CTNND2: variants seen among roughly 807,000 people sequenced by gnomAD.
CTNND2 encodes catenin delta 2.
A neutral mutation model predicts 144.4 loss-of-function variants in CTNND2; 22 were observed. The ratio of observed to expected loss-of-function variants is 0.15; its 90% CI spans 0.11 to 0.22. CTNND2 has a LOEUF of 0.22. Ranked by LOEUF, CTNND2 falls within the 10% of genes least tolerant of loss-of-function variation. The pLI, the probability that CTNND2 is intolerant of heterozygous loss-of-function variation, is 1.00. For synonymous variants in CTNND2, 751 were observed against 695.6 expected (o/e 1.08, Z -1.25); for missense variants, 1,353 against 1,618.8 (o/e 0.84, Z 2.82).
intron 12 of CTNND2, among the ~76,000 whole-genome samples, chr5:11,119,130 A>G (rs1753835719): frequency 6.6e-6 from 1 of 152,192 alleles, no homozygotes; most frequent in Admixed American, 6.5e-5. Context: ...GAGCTGGAAC[A>G]AAACCTGTGA....
At chr5:11,615,479 A>C (rs1296233000) in intron 2 of CTNND2, among the ~76,000 whole-genome samples, 2 of 152,236 alleles carry the variant, frequency 1.3e-5, no homozygotes, top group Non-Finnish European at 2.9e-5. Context: ...ATACATTTTT[A>C]AGTACTGAAA....
intron 10 of CTNND2, among the ~76,000 whole-genome samples, chr5:11,236,033 G>A (rs944093046): frequency 6.6e-6 from 1 of 152,048 alleles, no homozygotes; most frequent in African/African-American, 2.4e-5. Flanking sequence ...ACTTAGATTT[G>A]GCTGCAGTGA....
intron 6 of CTNND2, among the ~76,000 whole-genome samples, chr5:11,386,517 A>G (rs936336985): frequency 3.5e-4 from 54 of 152,332 alleles, no homozygotes; most frequent in African/African-American, 1.2e-3. Context: ...GCAGATCTGA[A>G]GGAGTTAATT....
intron 3 of CTNND2, chr5:11,508,354 G>T (rs1771280824): frequency 6.6e-6 from 1 of 152,156 alleles, no homozygotes; most frequent in Middle Eastern, 3.2e-3. Context: ...ATGATGCTCT[G>T]CTAAGCAAAC....
At chr5:11,280,635 G>A (rs780320192) in intron 9 of CTNND2, among the ~76,000 whole-genome samples, 1 of 152,186 alleles carries the variant, frequency 6.6e-6, no homozygotes, top group Non-Finnish European at 1.5e-5. Context: ...ATAGAGGGGA[G>A]TTAGGGCTTC....
chr5:11,177,137 T>C (rs898496202), intron 11 of CTNND2, among the ~76,000 whole-genome samples: 11 of 152,216 alleles, frequency 7.2e-5, no homozygotes, highest in African/African-American at 2.4e-4. Flanking sequence ...CCTGCAAAGA[T>C]GCATGAGTAT....
chr5:11,385,211 C>G lies in CTNND2; in HGVS notation c.631G>C (p.Gly211Arg). The G allele has an allele frequency of 9.5e-7, 1 of 1,054,974 alleles. No homozygotes were observed. The allele number at this position is 1,054,974 out of a possible 1,614,324, so 65.4% of individuals were successfully genotyped here. A position where few individuals can be genotyped will look rare whatever the true frequency, so the allele number is the denominator to read the frequency against. ...SFSQGTTSRA[G>R]HLAGPEPAPP... ...GCGGGCTCGGGCCCCGCCAGGTGGC[C>G]GGCGCGGCTGGTCGTGCCCTGTGCC... Residue 211 changes from glycine (G) to arginine (R), a missense_variant, in exon 7 of 22, where the codon GGC (glycine) becomes CGC (arginine). Gly to Arg is a moderately radical substitution (Grantham distance 125). Around this residue, in one of 4 missense-constraint regions of CTNND2, gnomAD observed 708 missense variants for 706.4 expected, o/e 1.00. Coordinates refer to ENST00000304623, the MANE Select transcript of CTNND2 (RefSeq NM_001332.4).
intron 14 of CTNND2, among the ~76,000 whole-genome samples, chr5:11,110,570 TAACACAGCGCCTGCTCAGAGG>T (rs1180623332): frequency 2.0e-5 from 3 of 152,160 alleles, no homozygotes; most frequent in African/African-American, 4.8e-5. Flanking sequence ...ATGTGTGAAT[TAACACAGCGCCTGCTCAGAGG>T]TGGAATGTCA....
intron 11 of CTNND2, among the ~76,000 whole-genome samples, chr5:11,182,216 AGTGT>A (rs926277201): frequency 1.7e-5 from 2 of 118,366 alleles, no homozygotes; most frequent in African/African-American, 6.5e-5. Context: ...GTGTGTGTGT[AGTGT>A]GTGTGTGGTA....
At chr5:11,120,722 T>A (rs1754055431) in intron 12 of CTNND2, among the ~76,000 whole-genome samples, 1 of 151,624 alleles carries the variant, frequency 6.6e-6, no homozygotes, top group African/African-American at 2.4e-5. Flanking sequence ...GAGGTGGTTA[T>A]CATACTGTCT....
intron 1 of CTNND2, among the ~76,000 whole-genome samples, chr5:11,874,091 AG>A (rs60999175): frequency 0.21 from 32,293 of 152,194 alleles, 3,958 homozygotes; most frequent in Non-Finnish European, 0.28. Flanking sequence ...AAAAACAAAC[AG>A]AAACGCTGGA....
chr5:11,406,298 G>C (rs1426941027), intron 5 of CTNND2, among the ~76,000 whole-genome samples: 1 of 152,292 alleles, frequency 6.6e-6, no homozygotes. Flanking sequence ...GCACATCTGG[G>C]ATAAGGAAGG....
At chr5:11,850,924 G>A (rs1198903398) in intron 1 of CTNND2, among the ~76,000 whole-genome samples, 1 of 152,162 alleles carries the variant, frequency 6.6e-6, no homozygotes, top group African/African-American at 2.4e-5. Flanking sequence ...TTGCTGTGAA[G>A]GTGTTTGTGA....
At chr5:11,737,297 G>C (rs931392850) in intron 1 of CTNND2, among the ~76,000 whole-genome samples, 4 of 152,200 alleles carry the variant, frequency 2.6e-5, no homozygotes, top group African/African-American at 9.6e-5. Flanking sequence ...CTTTGTTTTT[G>C]TTTGACTGTG....
intron 2 of CTNND2, among the ~76,000 whole-genome samples, chr5:11,700,095 T>A (rs1427234271): frequency 1.3e-5 from 2 of 152,132 alleles, no homozygotes; most frequent in Non-Finnish European, 2.9e-5. Flanking sequence ...GATTGAAAGA[T>A]TTAATCACTT....
At chr5:11,901,442 G>T (rs1220989899) in intron 1 of CTNND2, among the ~76,000 whole-genome samples, 1 of 152,124 alleles carries the variant, frequency 6.6e-6, no homozygotes, top group Non-Finnish European at 1.5e-5. Flanking sequence ...ACTAGTATTT[G>T]AATTTCATTT....
intron 13 of CTNND2, among the ~76,000 whole-genome samples, chr5:11,116,334 C>T (rs777453358): frequency 1.3e-5 from 2 of 152,096 alleles, no homozygotes; most frequent in Non-Finnish European, 2.9e-5. Context: ...ATCCAGTGGG[C>T]GGAAGCCAGG....
rs1324422939 is a variant in CTNND2 at position 11,344,099 on chromosome 5, T to C, written c.1628+2273A>G. ...GGACCTGAAGTTTAAATTTGGCACG[T>C]CTCTCCATTAAATAAAAACATGTTG... On this transcript the variant is annotated intron_variant, in intron 9 of 21. Transcript: ENST00000304623. Among the ~76,000 whole-genome samples the C allele has an allele frequency of 2.0e-5, 3 of 152,190 alleles. No individual in the cohort carries two copies. In the East Asian group the frequency reaches 5.8e-4, roughly 29 times the overall value.
At chr5:11,558,130 C>G (rs964827704) in intron 3 of CTNND2, among the ~76,000 whole-genome samples, 1 of 152,060 alleles carries the variant, frequency 6.6e-6, no homozygotes, top group Non-Finnish European at 1.5e-5. Context: ...GAAAATGGTA[C>G]AAATCTCAAG....
Sources: gnomAD v4.1 joint callset for allele counts (sites outside exome capture counted in the v4.1 genomes callset) on GRCh38, gnomAD v4.1.1 for gene constraint, gnomAD v4.1.1 regional missense constraint, MANE v1.5 for transcripts, NCBI Gene and HGNC (gene_info 2026-07-23, HGNC 2026-07-21) for gene names.